The following MATN2 variants were observed in gnomAD, a reference collection of about 807,000 sequenced individuals.
MATN2 encodes the protein matrilin 2, also known as matrilin-2.
MATN2 carries 69 observed loss-of-function variants against 103.2 expected under a neutral mutation model. That is an observed-to-expected ratio of 0.67 (90% confidence interval 0.55 to 0.82). MATN2 has a LOEUF of 0.82. MATN2 is among the 40% of genes least tolerant of loss of function. The pLI, the probability that MATN2 is intolerant of heterozygous loss-of-function variation, is 0.00. For missense variants in MATN2, 1,023 were observed against 1,211.5 expected (o/e 0.84, Z 2.31); for synonymous variants, 429 against 450.2 (o/e 0.95, Z 0.60).
At chr8:98,018,969 CCA>C (rs1367021553) in intron 12 of MATN2, among the ~76,000 whole-genome samples, 2 of 151,062 alleles carry the variant, frequency 1.3e-5, no homozygotes, top group Non-Finnish European at 3.0e-5. Context: ...GGTGTATTCC[CCA>C]GAGTTCTCCA....
At chr8:97,930,786 T>A (rs1810155962) in intron 2 of MATN2, among the ~76,000 whole-genome samples, 167 bp from the exon 3 acceptor site, 1 of 152,028 alleles carries the variant, frequency 6.6e-6, no homozygotes, top group Non-Finnish European at 1.5e-5. Context: ...CACACCCGGC[T>A]AATTTTTGTA....
Position 97,973,598 on chromosome 8 carries a change from A to G in MATN2, c.959-5288A>G, listed in dbSNP as rs187564656. ...TTTTTTTTTTTTTTTTTGAGATGGT[A>G]TAATTCTGTTGCCCAGATTGGAGTG... On this transcript the variant is annotated intron_variant, in intron 5 of 18. Coordinates refer to ENST00000254898, the MANE Select transcript of MATN2 (RefSeq NM_002380.5). 2.4e-4 allele frequency among the ~76,000 whole-genome samples: 32 copies of G among 132,452 alleles called. 1 individual carries two copies. The highest frequency in any genetic ancestry group is 8.6e-4 in the African/African-American group (30 of 35,068). 86.9% of individuals were successfully genotyped at this position (132,452 alleles called of 152,430 possible).
rs62523567 is a variant in MATN2 at position 98,000,425 on chromosome 8, C to T, written c.1205-3236C>T. ...CAGCCTGGCCAATATGGTGAAACCC[C>T]GTCTCTACTAAATATATAAAAATTA... On this transcript the variant is annotated intron_variant, in intron 7 of 18. Transcript: ENST00000254898. Among the ~76,000 whole-genome samples the T allele has an allele frequency of 1.2e-3, 183 of 151,278 alleles. 1 individual carries two copies. Among genetic ancestry groups the T allele is most frequent in the African/African-American group, 4.2e-3 (173 of 41,274 alleles).
intron 2 of MATN2, among the ~76,000 whole-genome samples, chr8:97,902,654 C>T (rs1224600386): frequency 6.6e-6 from 1 of 152,076 alleles, no homozygotes; most frequent in East Asian, 1.9e-4. Context: ...TCGCTATTGC[C>T]TCTTGGGTTT....
At chr8:97,988,189 T>TATATATATACACACAC (rs71570279) in intron 6 of MATN2, among the ~76,000 whole-genome samples, 70 of 54,860 alleles carry the variant, frequency 1.3e-3, no homozygotes, top group Non-Finnish European at 2.1e-3. Flanking sequence ...TATATATATA[T>TATATATATACACACAC]ACACACACAC....
chr8:97,998,296 G>A (rs941167289), intron 7 of MATN2, among the ~76,000 whole-genome samples: 13 of 150,448 alleles, frequency 8.6e-5, no homozygotes, highest in South Asian at 4.2e-4. Flanking sequence ...CGAGGCGGGC[G>A]GATCACAAGG....
intron 6 of MATN2, among the ~76,000 whole-genome samples, chr8:97,993,489 C>T (rs1402185037): frequency 2.9e-5 from 4 of 139,562 alleles, no homozygotes; most frequent in Non-Finnish European, 4.6e-5. Flanking sequence ...ACAAAAAATA[C>T]AAAAAAAAGA....
In MATN2 at chr8:97,908,513, A is replaced by T. The variant is rs146296260; in HGVS notation, c.142+20271A>T. 6.1e-3 allele frequency among the ~76,000 whole-genome samples: 930 copies of T among 152,308 alleles called. 15 individuals are homozygous for T. Among genetic ancestry groups the T allele is most frequent in the African/African-American group, 0.021 (883 of 41,556 alleles). On this transcript the variant is annotated intron_variant, in intron 2 of 18. Transcript: ENST00000254898. ...CATCTGGTGGAGTAGCTTCTCAGGA[A>T]CTGTATACTGAATGAATGAGTGAGA...
chr8:97,973,349 G>C (rs1811721332), intron 5 of MATN2, among the ~76,000 whole-genome samples: 1 of 152,162 alleles, frequency 6.6e-6, no homozygotes, highest in Admixed American at 6.5e-5. Context: ...TGAGAGTCAA[G>C]ATCCAGAGAA....
Position 97,979,010 on chromosome 8 carries a change from T to A in MATN2, c.1081+2T>A. On this transcript the variant is annotated splice_donor_variant, in intron 6 of 18. Transcript: ENST00000254898. LOFTEE classifies it high-confidence loss of function. Reference sequence around the variant, plus strand: ...ACCCAGATAAAAAAACGTGCACAAGTAAGTTACACACACATGCACACACAG... The same window carrying A: ...ACCCAGATAAAAAAACGTGCACAAGAAAGTTACACACACATGCACACACAG... The A allele has an allele frequency of 1.2e-6, 2 of 1,610,294 alleles. No homozygotes were observed. Among genetic ancestry groups the A allele is most frequent in the Admixed American group, 1.7e-5 (1 of 59,382 alleles).
intron 5 of MATN2, among the ~76,000 whole-genome samples, chr8:97,966,060 A>G (rs899293138): frequency 3.3e-5 from 5 of 152,086 alleles, no homozygotes; most frequent in African/African-American, 4.8e-5. Flanking sequence ...AGGCTGAGGT[A>G]GGAGGATTGC....
chr8:98,028,255 C>T (rs764973030), intron 14 of MATN2, among the ~76,000 whole-genome samples: 1 of 152,212 alleles, frequency 6.6e-6, no homozygotes, highest in Non-Finnish European at 1.5e-5. Context: ...TTAACCAATA[C>T]TTCAAGCGAG....
intron 11 of MATN2, 67 bp downstream of exon 11, chr8:98,016,729 C>G: frequency 6.4e-7 from 1 of 1,559,050 alleles, no homozygotes; most frequent in Non-Finnish European, 8.7e-7. Context: ...CTATCCTTAT[C>G]TCTGTATATA....
intron 2 of MATN2, among the ~76,000 whole-genome samples, chr8:97,897,261 C>A (rs976250104): frequency 1.2e-4 from 18 of 152,254 alleles, no homozygotes; most frequent in African/African-American, 4.3e-4. Context: ...TGGGAATGGG[C>A]AGGAGGAAAA....
intron 10 of MATN2, among the ~76,000 whole-genome samples, chr8:98,011,429 C>T (rs1481560819): frequency 6.6e-6 from 1 of 152,124 alleles, no homozygotes; most frequent in Non-Finnish European, 1.5e-5. Context: ...TTGTGGGAAA[C>T]GGACACATGG....
chr8:97,951,578 A>T (rs1810953647), intron 4 of MATN2, among the ~76,000 whole-genome samples: 1 of 152,126 alleles, frequency 6.6e-6, no homozygotes, highest in Admixed American at 6.6e-5. Flanking sequence ...CCTCCAGGGG[A>T]TGTCGATGTA....
At chr8:97,932,493 C>T (rs1810231970) in intron 3 of MATN2, among the ~76,000 whole-genome samples, 1 of 152,198 alleles carries the variant, frequency 6.6e-6, no homozygotes, top group African/African-American at 2.4e-5. Context: ...CCCTGAGCTG[C>T]ATTCTTCTAT....
intron 4 of MATN2, among the ~76,000 whole-genome samples, chr8:97,947,369 AC>A (rs1395232745): frequency 6.6e-6 from 1 of 152,254 alleles, no homozygotes; most frequent in Non-Finnish European, 1.5e-5. Flanking sequence ...TCTCAAAACA[AC>A]AACAACAACA....
intron 2 of MATN2, among the ~76,000 whole-genome samples, chr8:97,918,015 G>A (rs1809690627): frequency 1.3e-5 from 2 of 152,158 alleles, no homozygotes; most frequent in Admixed American, 1.3e-4. Flanking sequence ...AGCCTGGGAG[G>A]CGGAGGTTGT....
Sources: allele counts gnomAD v4.1 joint callset (sites outside exome capture counted in the v4.1 genomes callset), GRCh38; gene constraint gnomAD v4.1.1; transcripts MANE v1.5; gene names NCBI Gene and HGNC (gene_info 2026-07-23, HGNC 2026-07-21).